The following LARP7 variants were observed in gnomAD, a reference collection of about 807,000 sequenced individuals.
LARP7 encodes la-related protein 7.
A neutral mutation model predicts 69.3 loss-of-function variants in LARP7; 52 were observed. The ratio of observed to expected loss-of-function variants is 0.75; its 90% CI spans 0.60 to 0.95. LARP7 has a LOEUF of 0.95. Among genes scored for constraint, LARP7 ranks in the 40% least tolerant of loss-of-function variants. The pLI is 0.00. For missense variants in LARP7, 733 were observed against 673.0 expected (o/e 1.09, Z -0.99); for synonymous variants, 254 against 215.9 (o/e 1.18, Z -1.55).
chr4:112,646,309 CCTG>C (rs2149261592), intron 2 of LARP7, 39 bp from the exon 3 acceptor site: 1 of 1,001,028 alleles, frequency 1.0e-6, no homozygotes, highest in Non-Finnish European at 1.5e-6. Context: ...TTGAATTAAT[CCTG>C]CTGATACACT....
At chr4:112,644,526 AT>A in intron 1 of LARP7, 141 bp from the exon 2 acceptor site, 1 of 1,056,642 alleles carries the variant, frequency 9.5e-7, no homozygotes, top group Non-Finnish European at 1.3e-6. Context: ...AAATATAAAA[AT>A]GAATGTTCTT....
In LARP7 at chr4:112,644,731, AAG is replaced by A. The variant is rs752178257; in HGVS notation, c.64_65del (p.Glu22SerfsTer2). 4 of 1,596,984 alleles carry A rather than the reference AAG, an allele frequency of 2.5e-6. No homozygotes were observed. In the African/African-American group the frequency reaches 4.0e-5, roughly 16 times the overall value. On this transcript the variant is annotated frameshift_variant, in exon 2 of 13. Coordinates refer to ENST00000344442, the MANE Select transcript of LARP7 (RefSeq NM_016648.4). LOFTEE classifies it high-confidence loss of function. Reference sequence around the variant, plus strand: ...GAAGAAGAAAGCACTGAAAAGAAAAAAGAAGTTGAAAAAAAGAAACGGTCACG... The same window carrying A: ...GAAGAAGAAAGCACTGAAAAGAAAAAAAGTTGAAAAAAAGAAACGGTCACG...
intron 8 of LARP7, among the ~76,000 whole-genome samples, 190 bp from the exon 9 acceptor site, chr4:112,649,345 G>C (rs972255555): frequency 6.6e-6 from 1 of 152,134 alleles, no homozygotes; most frequent in African/African-American, 2.4e-5. Flanking sequence ...AATATTGGGG[G>C]AAGAGGAACT....
At chr4:112,637,745 GAAAAC>G (rs1163814694) in intron 1 of LARP7, 1 of 152,320 alleles carries the variant, frequency 6.6e-6, no homozygotes, top group East Asian at 1.9e-4. Context: ...AAACTTAAGA[GAAAAC>G]AAATGATAGG....
At chr4:112,646,323 A>C in intron 2 of LARP7, 28 bp from the exon 3 acceptor site, 1 of 1,121,448 alleles carries the variant, frequency 8.9e-7, no homozygotes, top group Non-Finnish European at 1.3e-6. Context: ...CTGATACACT[A>C]ACATATTAAC....
Position 112,646,630 on chromosome 4 carries a change from G to C in LARP7, c.346G>C (p.Gly116Arg). ...CAGAATCCGGAGGAAAAAACCTCTG[G>C]GGGAAAGACCAAAGGATGAGGATGA... ...GTRIRRKKPL[G>R]ERPKDEDERT... The change falls in exon 4 of 13, where the codon GGG (glycine) becomes CGG (arginine). Residue 116 changes from glycine (G) to arginine (R), a missense_variant. By Grantham distance (125) the Gly-to-Arg change is moderately radical. Coordinates refer to ENST00000344442, the MANE Select transcript of LARP7 (RefSeq NM_016648.4). 6.2e-7 allele frequency: 1 copy of C among 1,604,608 alleles called. No individual in the cohort carries two copies. The highest frequency in any genetic ancestry group is 8.5e-7 in the Non-Finnish European group (1 of 1,174,972).
Position 112,647,566 on chromosome 4 carries a change from T to A in LARP7, c.997+17T>A, listed in dbSNP as rs763887078. On this transcript the variant is annotated intron_variant, in intron 7 of 12. Transcript: ENST00000344442. ...AAAATAGAGGTAAAACTACAAGGTTTTAATTAGATAAAACTAATTAATTTT... is the reference window on the plus strand; with the variant it reads ...AAAATAGAGGTAAAACTACAAGGTTATAATTAGATAAAACTAATTAATTTT... 1 of 1,546,718 alleles carries A rather than the reference T, an allele frequency of 6.5e-7. No homozygotes were observed. Among genetic ancestry groups the A allele is most frequent in the Non-Finnish European group, 8.7e-7 (1 of 1,148,794 alleles).
intron 12 of LARP7, chr4:112,655,374 G>C (rs1041277193): frequency 6.6e-6 from 1 of 151,992 alleles, no homozygotes; most frequent in Non-Finnish European, 1.5e-5. Context: ...GCTCATCTTT[G>C]ACTAGGAAGT....
rs763333341 is a variant in LARP7, at chr4:112,647,640, C to A, written c.998-50C>A. ...AGGTTTTAATTGGCTTCTGTTTCACCCATTTCACAGCCCCATGTCTTAACG... is the reference window on the plus strand; with the variant it reads ...AGGTTTTAATTGGCTTCTGTTTCACACATTTCACAGCCCCATGTCTTAACG... On this transcript the variant is annotated intron_variant, in intron 7 of 12. Coordinates refer to ENST00000344442, the MANE Select transcript of LARP7 (RefSeq NM_016648.4). The A allele has an allele frequency of 2.1e-6, 3 of 1,433,254 alleles. No individual in the cohort carries two copies. The Admixed American group carries it at 7.2e-5, about 35-fold the overall frequency. 88.8% of individuals were successfully genotyped at this position (1,433,254 alleles called of 1,614,324 possible).
chr4:112,647,283 G>GC lies in LARP7; in HGVS notation c.732dup (p.Asn245GlnfsTer6). On this transcript the variant is annotated frameshift_variant, in exon 7 of 13. Coordinates refer to ENST00000344442, the MANE Select transcript of LARP7 (RefSeq NM_016648.4). LOFTEE classifies it high-confidence loss of function. ...GCCAAAGAAGAAAACATGGACACAA[G>GC]CAACACCAGCATCAGTAAAATGAAA... 4 of 1,613,780 alleles carry GC rather than the reference G, an allele frequency of 2.5e-6. No homozygotes were observed. Among genetic ancestry groups the GC allele is most frequent in the Non-Finnish European group, 3.4e-6 (4 of 1,179,966 alleles).
In LARP7 at chr4:112,653,096, C is replaced by G. The variant is rs1385033451; in HGVS notation, c.1436C>G (p.Ser479Ter). 5 of 1,591,588 alleles carry G rather than the reference C, an allele frequency of 3.1e-6. No individual in the cohort carries two copies. The highest frequency in any genetic ancestry group is 1.4e-5 in the African/African-American group (1 of 73,346). ...KQVRDTLAAISEVLYVDLLEG... is the reference protein window; with the variant it reads ...KQVRDTLAAI The stretch of plus-strand genomic sequence containing the variant: ...ATGCAGGATACTTTGGCAGCAATCT[C>G]AGAAGTTCTTTATGTTGATTTGCTA... The change falls in exon 11 of 13, where the codon TCA (serine) becomes TGA (stop). Residue 479 changes from serine (S) to a stop codon, truncating the protein, a stop_gained. Coordinates refer to ENST00000344442, the MANE Select transcript of LARP7 (RefSeq NM_016648.4). LOFTEE classifies it high-confidence loss of function.
intron 3 of LARP7, 46 bp downstream of exon 3, chr4:112,646,497 ATAAAGAATGT>A (rs745760918): frequency 7.6e-6 from 10 of 1,316,058 alleles, no homozygotes; most frequent in Middle Eastern, 2.4e-4. Flanking sequence ...GTTTATAATT[ATAAAGAATGT>A]TAACGTAATG....
intron 7 of LARP7, 38 bp downstream of exon 7, chr4:112,647,587 A>ATTTTAATTAATTAG: frequency 7.1e-7 from 1 of 1,414,396 alleles, no homozygotes; most frequent in Non-Finnish European, 9.5e-7. Context: ...AAACTAATTA[A>ATTTTAATTAATTAG]TTTTAATTAA....
chr4:112,645,739 C>CTTGA, intron 2 of LARP7: 2 of 386,136 alleles, frequency 5.2e-6, no homozygotes, highest in Non-Finnish European at 1.0e-5. Flanking sequence ...CCAGGCTGGT[C>CTTGA]TTGAGCTCCT....
intron 12 of LARP7, among the ~76,000 whole-genome samples, chr4:112,655,113 A>G (rs2048903899): frequency 6.6e-6 from 1 of 152,024 alleles, no homozygotes; most frequent in Non-Finnish European, 1.5e-5. Context: ...TGTTTCCTTG[A>G]AAGGAGACTG....
chr4:112,650,318 C>A (rs2048664028), intron 9 of LARP7, 143 bp from the exon 10 acceptor site: 1 of 747,000 alleles, frequency 1.3e-6, no homozygotes, highest in Non-Finnish European at 2.1e-6. Context: ...TGACATATAA[C>A]CTTTAATTGT....
chr4:112,641,240 A>G (rs1358531000), intron 1 of LARP7, among the ~76,000 whole-genome samples: 2 of 152,152 alleles, frequency 1.3e-5, no homozygotes, highest in Non-Finnish European at 2.9e-5. Context: ...ACAAAAAAAA[A>G]TTAGCCAGGC....
In LARP7 at chr4:112,637,389, C is replaced by G. The variant is rs998930106; in HGVS notation, c.-3+150C>G. On this transcript the variant is annotated intron_variant, in intron 1 of 12. Transcript: ENST00000344442. ...CCCATCAGTTCCTTGGCCTAGTTAT[C>G]TATGCGCACGCGCAAAAGTCTTCGG... The G allele has an allele frequency of 2.0e-5, 3 of 152,330 alleles. 1 individual carries two copies. Among genetic ancestry groups the G allele is most frequent in the Admixed American group, 1.3e-4 (2 of 15,290 alleles). The allele number at this position is 152,330 out of a possible 1,614,324, so 9.4% of individuals were successfully genotyped here.
chr4:112,639,936 C>T (rs1219758563), intron 1 of LARP7, among the ~76,000 whole-genome samples: 2 of 151,676 alleles, frequency 1.3e-5, no homozygotes, highest in African/African-American at 2.4e-5. Context: ...TTATAGCCTA[C>T]GTTTGTGTTT....
Sources: gnomAD v4.1 joint callset for allele counts (sites outside exome capture counted in the v4.1 genomes callset) on GRCh38, gnomAD v4.1.1 for gene constraint, MANE v1.5 for transcripts, NCBI Gene and HGNC (gene_info 2026-07-23, HGNC 2026-07-21) for gene names.